LRRIQ1: variants seen among roughly 807,000 people sequenced by gnomAD.
The protein encoded by LRRIQ1 is leucine rich repeats and IQ motif containing 1.
In LRRIQ1, 210 loss-of-function variants were observed where a neutral mutation model predicts 211.9. The ratio of observed to expected loss-of-function variants is 0.99; its 90% CI spans 0.89 to 1.11. LRRIQ1 has a LOEUF of 1.11. LRRIQ1 is among the 50% of genes most tolerant of loss of function. LRRIQ1 has a pLI of 0.00. For synonymous variants in LRRIQ1, 699 were observed against 650.1 expected (o/e 1.08, Z -1.14); for missense variants, 2,136 against 1,939.5 (o/e 1.10, Z -1.90).
At chr12:85,096,206 T>C (rs1885865851) in intron 11 of LRRIQ1, among the ~76,000 whole-genome samples, 1 of 152,152 alleles carries the variant, frequency 6.6e-6, no homozygotes, top group African/African-American at 2.4e-5. Context: ...CCACTAGTTT[T>C]GGGGTTAGTT....
chr12:85,201,400 T>TTGGC (rs774304799), intron 24 of LRRIQ1, among the ~76,000 whole-genome samples: 1 of 152,232 alleles, frequency 6.6e-6, no homozygotes, highest in Middle Eastern at 3.4e-3. Flanking sequence ...TTGGTATAAT[T>TTGGC]TGGCTGGGAA....
At chr12:85,048,463 G>C (rs1388002813) in intron 6 of LRRIQ1, 1 of 151,784 alleles carries the variant, frequency 6.6e-6, no homozygotes, top group African/African-American at 2.4e-5. Flanking sequence ...GGAGGCTGAG[G>C]CAGGAGAATG....
Position 85,056,848 on chromosome 12 carries a change from G to A in LRRIQ1, c.2055G>A (p.Glu685=), listed in dbSNP as rs934013950. The A allele has an allele frequency of 2.7e-5, 44 of 1,613,178 alleles. No individual in the cohort carries two copies. The highest frequency in any genetic ancestry group is 3.6e-5 in the Non-Finnish European group (43 of 1,179,544). Reference sequence around the variant, plus strand: ...TGTTAGGTAGACATGCTCCTTGTGAGGGCTTGAGTAACTATAATGCAGAAA... The same window carrying A: ...TGTTAGGTAGACATGCTCCTTGTGAAGGCTTGAGTAACTATAATGCAGAAA... ...DYVLGRHAPC[E]GLSNYNAESS... The change falls in exon 8 of 27, where the codon GAG becomes GAA. Residue 685 remains glutamate, a synonymous_variant. Transcript: ENST00000393217.
At chr12:85,131,048 TAAA>T (rs35852058) in intron 18 of LRRIQ1, among the ~76,000 whole-genome samples, 6 of 130,146 alleles carry the variant, frequency 4.6e-5, no homozygotes, top group Admixed American at 1.6e-4. Context: ...TCATCTCTAC[TAAA>T]AAAAAAAAAA....
At chr12:85,242,924 A>T (rs2137264620) in intron 26 of LRRIQ1, among the ~76,000 whole-genome samples, 1 of 151,932 alleles carries the variant, frequency 6.6e-6, no homozygotes, top group Admixed American at 6.6e-5. Flanking sequence ...ATGATAATAA[A>T]TTTTTTGGAA....
intron 24 of LRRIQ1, among the ~76,000 whole-genome samples, chr12:85,175,965 C>T (rs989740569): frequency 3.9e-5 from 6 of 152,110 alleles, no homozygotes; most frequent in Non-Finnish European, 8.8e-5. Flanking sequence ...GTTCTTTTGG[C>T]TTAGGATTGA....
At chr12:85,187,580 G>T (rs913409279) in intron 24 of LRRIQ1, among the ~76,000 whole-genome samples, 5 of 152,036 alleles carry the variant, frequency 3.3e-5, no homozygotes, top group African/African-American at 1.2e-4. Context: ...GCCAAGGCAG[G>T]TGGATCACCT....
At chr12:85,116,884 C>CTT (rs1204649640) in intron 15 of LRRIQ1, among the ~76,000 whole-genome samples, 2 of 142,112 alleles carry the variant, frequency 1.4e-5, no homozygotes, top group Admixed American at 7.1e-5. Context: ...TGATCTCGTT[C>CTT]TTTTTTTTTT....
At chr12:85,064,580 C>G (rs1362331775) in intron 8 of LRRIQ1, among the ~76,000 whole-genome samples, 1 of 151,566 alleles carries the variant, frequency 6.6e-6, no homozygotes, top group Admixed American at 6.6e-5. Context: ...GGGTATTACT[C>G]AAGAAATATT....
intron 7 of LRRIQ1, 135 bp from the exon 8 acceptor site, chr12:85,055,412 C>T: frequency 4.4e-6 from 3 of 679,350 alleles, no homozygotes; most frequent in Non-Finnish European, 6.3e-6. Context: ...ACTTTAGTTT[C>T]TCTAAATAAA....
At chr12:85,137,619 G>T (rs1393469067) in intron 18 of LRRIQ1, among the ~76,000 whole-genome samples, 1 of 151,552 alleles carries the variant, frequency 6.6e-6, no homozygotes, top group East Asian at 1.9e-4. Flanking sequence ...GAGTTTTAAA[G>T]ATTCTTTTTT....
Position 85,154,072 on chromosome 12 carries a change from G to A in LRRIQ1, c.4698G>A (p.Ser1566=), listed in dbSNP as rs193214509. 3.5e-5 allele frequency: 55 copies of A among 1,565,574 alleles called. No homozygotes were observed. Among genetic ancestry groups the A allele is most frequent in the African/African-American group, 3.4e-4 (25 of 73,072 alleles). ...QMLKRAQKMK[S]KKLKKKIDST... ...TGAAGAGGGCACAGAAAATGAAATC[G>A]AAGAAACTAAAGAAAAAAATAGGTG... The change falls in exon 23 of 27, where the codon TCG becomes TCA. Residue 1566 remains serine, a synonymous_variant. Transcript: ENST00000393217.
At chr12:85,104,135 TATG>T (rs1886603645) in intron 14 of LRRIQ1, 58 bp downstream of exon 14, 3 of 874,910 alleles carry the variant, frequency 3.4e-6, no homozygotes, top group African/African-American at 1.8e-5. Flanking sequence ...CTGTTTCAAA[TATG>T]ATAAGGGGTT....
At chr12:85,141,857 C>G (rs1042929106) in intron 19 of LRRIQ1, among the ~76,000 whole-genome samples, 2 of 150,646 alleles carry the variant, frequency 1.3e-5, no homozygotes, top group African/African-American at 4.9e-5. Flanking sequence ...TTGCATTTAT[C>G]AAGTATTTTT....
At chr12:85,119,577 A>G (rs1887825213) in intron 15 of LRRIQ1, among the ~76,000 whole-genome samples, 1 of 152,152 alleles carries the variant, frequency 6.6e-6, no homozygotes, top group Non-Finnish European at 1.5e-5. Context: ...TTTTATAGGA[A>G]ATTGTCAAAT....
intron 15 of LRRIQ1, among the ~76,000 whole-genome samples, chr12:85,112,307 T>C (rs756288840): frequency 4.7e-4 from 71 of 151,738 alleles, no homozygotes; most frequent in Admixed American, 9.2e-4. Flanking sequence ...ATTTCCTCTC[T>C]TTTATTTACA....
At chr12:85,166,046 A>G (rs978131359) in intron 24 of LRRIQ1, among the ~76,000 whole-genome samples, 1 of 152,116 alleles carries the variant, frequency 6.6e-6, no homozygotes, top group Non-Finnish European at 1.5e-5. Context: ...TAATTTTCAG[A>G]TATATGAGAA....
intron 25 of LRRIQ1, among the ~76,000 whole-genome samples, chr12:85,230,409 A>G (rs1894874768): frequency 6.6e-6 from 1 of 152,170 alleles, no homozygotes. Flanking sequence ...CTGTATCCTC[A>G]CAAGGATGTG....
rs74111657 is a variant in LRRIQ1, at chr12:85,234,595, T to C, written c.5016+1839T>C. Among the ~76,000 whole-genome samples the C allele has an allele frequency of 5.9e-3, 892 of 152,124 alleles. 6 individuals carry two copies. Among genetic ancestry groups the C allele is most frequent in the African/African-American group, 0.021 (862 of 41,504 alleles). On this transcript the variant is annotated intron_variant, in intron 26 of 26. Coordinates refer to ENST00000393217, the MANE Select transcript of LRRIQ1 (RefSeq NM_001079910.2). ...ACCAGAGTAGGTATCTAGAAGAGTA[T>C]TGGAGAATGAAAGCACCCCACTTGC... is the stretch of plus-strand genomic sequence containing the variant.
Sources: allele counts gnomAD v4.1 joint callset (sites outside exome capture counted in the v4.1 genomes callset), GRCh38; gene constraint gnomAD v4.1.1; transcripts MANE v1.5; gene names NCBI Gene and HGNC (gene_info 2026-07-23, HGNC 2026-07-21).